CDH13: variants seen among roughly 807,000 people sequenced by gnomAD.
The protein encoded by CDH13 is cadherin 13, also known as cadherin-13.
In CDH13, 24 loss-of-function variants were observed where a neutral mutation model predicts 63.8. The observed-to-expected ratio is 0.38, with a 90% CI of 0.27 to 0.53. CDH13 has a LOEUF of 0.53. CDH13 is among the 20% of genes least tolerant of loss of function. The pLI, the probability that CDH13 is intolerant of heterozygous loss-of-function variation, is 0.85. For synonymous variants in CDH13, 503 were observed against 355.3 expected, an observed-to-expected ratio of 1.42 and a Z score of -4.67; for missense variants, 1,049 against 903.1, an observed-to-expected ratio of 1.16 and a Z score of -2.07.
intron 2 of CDH13, among the ~76,000 whole-genome samples, chr16:82,921,568 T>G (rs2042154944): frequency 6.6e-6 from 1 of 152,208 alleles, no homozygotes; most frequent in Non-Finnish European, 1.5e-5. Context: ...TCAGGTAGTA[T>G]TTACAGGTTG....
chr16:82,703,989 C>T (rs761639545), intron 1 of CDH13, among the ~76,000 whole-genome samples: 31 of 152,260 alleles, frequency 2.0e-4, no homozygotes, highest in African/African-American at 6.5e-4. Flanking sequence ...TTCAAGGCTT[C>T]GGTTTTTCTC....
intron 4 of CDH13, among the ~76,000 whole-genome samples, chr16:83,172,747 C>T (rs995043014): frequency 2.0e-5 from 3 of 151,928 alleles, no homozygotes; most frequent in African/African-American, 7.3e-5. Context: ...GTCATAACAG[C>T]CCTAACAAAC....
intron 2 of CDH13, among the ~76,000 whole-genome samples, chr16:82,878,528 C>T (rs1038886130): frequency 6.6e-6 from 1 of 150,940 alleles, no homozygotes; most frequent in South Asian, 2.2e-4. Context: ...TCTAAACACA[C>T]TCTAAACACA....
At chr16:83,241,669 T>A (rs76767913) in intron 5 of CDH13, among the ~76,000 whole-genome samples, 14,523 of 152,282 alleles carry the variant, frequency 0.095, 1,014 homozygotes, top group Non-Finnish European at 0.14. Flanking sequence ...GCCCATTTTT[T>A]AATCAGTTTA....
chr16:83,476,374 T>TA (rs2073605385), intron 6 of CDH13, among the ~76,000 whole-genome samples: 1 of 152,204 alleles, frequency 6.6e-6, no homozygotes, highest in African/African-American at 2.4e-5. Flanking sequence ...GCTTGCCATT[T>TA]AAAAATCTCT....
chr16:82,958,523 G>A (rs1906467051), intron 2 of CDH13, among the ~76,000 whole-genome samples: 1 of 152,184 alleles, frequency 6.6e-6, no homozygotes, highest in African/African-American at 2.4e-5. Context: ...TCACCAAGAT[G>A]GAAAACACAG....
intron 4 of CDH13, among the ~76,000 whole-genome samples, chr16:83,208,273 T>A (rs966662736): frequency 3.3e-5 from 5 of 152,164 alleles, no homozygotes; most frequent in South Asian, 4.1e-4. Context: ...TTGAACATGG[T>A]TGAGCAGCAT....
intron 5 of CDH13, among the ~76,000 whole-genome samples, chr16:83,326,361 A>G (rs1280874698): frequency 6.6e-6 from 1 of 151,416 alleles, no homozygotes; most frequent in Non-Finnish European, 1.5e-5. Flanking sequence ...AATCATTAGT[A>G]TCTCAAGGAT....
intron 4 of CDH13, among the ~76,000 whole-genome samples, chr16:83,210,272 C>G (rs2039303702): frequency 6.6e-6 from 1 of 151,870 alleles, no homozygotes; most frequent in Non-Finnish European, 1.5e-5. Flanking sequence ...ACCATGTTGG[C>G]CAAGCTGGTC....
chr16:82,660,310 G>C (rs1222605534), intron 1 of CDH13, among the ~76,000 whole-genome samples: 1 of 152,122 alleles, frequency 6.6e-6, no homozygotes, highest in Non-Finnish European at 1.5e-5. Context: ...CATGGAAATT[G>C]GGTCTTAAAA....
chr16:82,928,059 C>T (rs930400348), intron 2 of CDH13, among the ~76,000 whole-genome samples: 22 of 152,208 alleles, frequency 1.4e-4, no homozygotes, highest in South Asian at 6.2e-4. Flanking sequence ...GGTGACATGC[C>T]TCTCAGCGAG....
chr16:82,672,341 C>A (rs1443995363), intron 1 of CDH13, among the ~76,000 whole-genome samples: 1 of 152,186 alleles, frequency 6.6e-6, no homozygotes, highest in Non-Finnish European at 1.5e-5. Flanking sequence ...GAGCATCCGA[C>A]TTAGAAGTCT....
chr16:82,909,288 GTGTGTA>G (rs2151260296), intron 2 of CDH13, among the ~76,000 whole-genome samples: 1 of 144,048 alleles, frequency 6.9e-6, no homozygotes. Flanking sequence ...GTGTGTGTGT[GTGTGTA>G]GACACGTAGA....
intron 6 of CDH13, among the ~76,000 whole-genome samples, chr16:83,435,192 G>A (rs762728406): frequency 7.2e-5 from 11 of 151,770 alleles, no homozygotes; most frequent in Non-Finnish European, 1.3e-4. Context: ...GATTGCAGGA[G>A]CCTGCTACCA....
chr16:83,445,582 A>G (rs948914603), intron 6 of CDH13, among the ~76,000 whole-genome samples: 2 of 152,160 alleles, frequency 1.3e-5, no homozygotes, highest in South Asian at 2.1e-4. Context: ...ATAGCAAGGA[A>G]CTTTCACACT....
intron 1 of CDH13, among the ~76,000 whole-genome samples, chr16:82,795,686 C>T (rs766372853): frequency 1.1e-4 from 16 of 152,208 alleles, no homozygotes; most frequent in Non-Finnish European, 1.9e-4. Flanking sequence ...AGACCCTCCA[C>T]TCTTAACCAC....
intron 3 of CDH13, among the ~76,000 whole-genome samples, chr16:83,050,660 T>C (rs2030213915): frequency 6.6e-6 from 1 of 152,160 alleles, no homozygotes; most frequent in Non-Finnish European, 1.5e-5. Context: ...TCCAAATTTA[T>C]AGCTTCATTT....
At chr16:82,938,185 A>G (rs1053872292) in intron 2 of CDH13, among the ~76,000 whole-genome samples, 1 of 152,208 alleles carries the variant, frequency 6.6e-6, no homozygotes, top group African/African-American at 2.4e-5. Flanking sequence ...TACACAGGCA[A>G]TAGCTTTTTC....
At chr16:82,799,497 C>T (rs1191006368) in intron 1 of CDH13, among the ~76,000 whole-genome samples, 1 of 152,196 alleles carries the variant, frequency 6.6e-6, no homozygotes, top group Non-Finnish European at 1.5e-5. Context: ...TAAGGAGATA[C>T]CATCAGGGTA....
Sources: gnomAD v4.1 joint callset for allele counts (sites outside exome capture counted in the v4.1 genomes callset) on GRCh38, gnomAD v4.1.1 for gene constraint, MANE v1.5 for transcripts, NCBI Gene and HGNC (gene_info 2026-07-23, HGNC 2026-07-21) for gene names.